Variants in FREM2 observed in about 807,000 individuals in gnomAD.
FREM2 encodes FRAS1 related extracellular matrix 2.
In FREM2, 119 loss-of-function variants were observed where a neutral mutation model predicts 219.9. That is an observed-to-expected ratio of 0.54 (90% CI 0.47 to 0.63). The LOEUF is 0.63. Ranked by LOEUF, FREM2 falls within the 30% of genes least tolerant of loss-of-function variation. The pLI, the probability that FREM2 is intolerant of heterozygous loss-of-function variation, is 0.00. For missense variants in FREM2, 4,030 were observed against 3,993.6 expected, an observed-to-expected ratio of 1.01 and a Z score of -0.25; for synonymous variants, 1,562 against 1,522.8, an observed-to-expected ratio of 1.03 and a Z score of -0.60.
rs1294872876 is a variant in FREM2, at chr13:38,762,090, G to A, written c.5264-2214G>A. Among the ~76,000 whole-genome samples, 8 of 152,294 alleles carry A rather than the reference G, an allele frequency of 5.3e-5. No homozygotes were observed. The East Asian group carries it at 1.5e-3, about 29-fold the overall frequency. On this transcript the variant is annotated intron_variant, in intron 2 of 23. Transcript: ENST00000280481. ...GGCAGGGCAGAGTGAGCTTGCATTTGTTGAATGATACTATTGACCTCAGAG... is the reference window on the plus strand; with the variant it reads ...GGCAGGGCAGAGTGAGCTTGCATTTATTGAATGATACTATTGACCTCAGAG...
At position 38,837,764 on chromosome 13, in the gene FREM2, G is replaced by GTT. The variant is rs1876768016; in HGVS notation, c.6020-8809_6020-8808insTT. ...TTAAGAGACTAGGATTGCAACCCCT[G>GTT]GTTTTTTTTTGTTTTGTTTTGTTTT... On this transcript the variant is annotated intron_variant, in intron 6 of 23. Coordinates refer to ENST00000280481, the MANE Select transcript of FREM2 (RefSeq NM_207361.6). Among the ~76,000 whole-genome samples, 3 of 139,336 alleles carry GTT rather than the reference G, an allele frequency of 2.2e-5. 1 individual carries two copies. Among genetic ancestry groups the GTT allele is most frequent in the African/African-American group, 7.9e-5 (3 of 37,976 alleles). 91.4% of individuals were successfully genotyped at this position (139,336 alleles called of 152,430 possible).
chr13:38,718,345 T>A (rs1454438473), intron 2 of FREM2, among the ~76,000 whole-genome samples: 2 of 152,178 alleles, frequency 1.3e-5, no homozygotes, highest in African/African-American at 2.4e-5. Context: ...GGTGAAAAGG[T>A]GTTTCTGGAC....
chr13:38,850,993 T>C lies in FREM2; in HGVS notation c.6627T>C (p.Tyr2209=). The change falls in exon 10 of 24, where the codon TAT becomes TAC. Residue 2209 remains tyrosine (Y), a synonymous_variant. Transcript: ENST00000280481. ...CILELMDDVL[Y]EEVEELRLVL... is the part of the protein sequence containing the mutation. ...TTGAGCTGATGGACGATGTGCTCTA[T>C]GAGGAGGTAGAGGAGCTCCGCCTGG... The C allele has an allele frequency of 1.2e-6, 2 of 1,613,654 alleles. No homozygotes were observed. Among genetic ancestry groups the C allele is most frequent in the South Asian group, 2.2e-5 (2 of 91,054 alleles).
At chr13:38,724,716 G>C (rs1025693725) in intron 2 of FREM2, among the ~76,000 whole-genome samples, 3 of 152,146 alleles carry the variant, frequency 2.0e-5, no homozygotes, top group African/African-American at 7.2e-5. Context: ...CTGTTTCTTT[G>C]TTTGGCTCAA....
intron 2 of FREM2, among the ~76,000 whole-genome samples, chr13:38,757,583 C>G (rs914675741): frequency 2.0e-5 from 3 of 151,730 alleles, no homozygotes; most frequent in Admixed American, 1.3e-4. Flanking sequence ...CTTTGTCATG[C>G]CACTCCTCTT....
At chr13:38,716,064 A>C (rs939249744) in intron 2 of FREM2, among the ~76,000 whole-genome samples, 2 of 152,160 alleles carry the variant, frequency 1.3e-5, no homozygotes, top group Non-Finnish European at 2.9e-5. Flanking sequence ...TTACTTTAAA[A>C]TAGTTAAAGG....
At chr13:38,754,895 G>GATTATTATTATTATTATTATT (rs1246110589) in intron 2 of FREM2, among the ~76,000 whole-genome samples, 143 of 99,784 alleles carry the variant, frequency 1.4e-3, no homozygotes, top group African/African-American at 2.5e-3. Flanking sequence ...TGATGATGAT[G>GATTATTATTATTATTATTATT]ATGATGATTA....
At chr13:38,825,416 G>A (rs1876241937) in intron 6 of FREM2, among the ~76,000 whole-genome samples, 1 of 150,480 alleles carries the variant, frequency 6.6e-6, no homozygotes. Context: ...TAACCACAAA[G>A]AATAAAGCCT....
At position 38,691,421 on chromosome 13, in the gene FREM2, T is replaced by A. The variant is rs41292757; in HGVS notation, c.4077T>A (p.Gly1359=). ...HGLLQRRKPT[G]AFENITLGMN... is the part of the protein sequence containing the mutation. ...TATTACAGAGACGAAAACCTACTGG[T>A]GCCTTTGAAAATATCACACTGGGCA... Residue 1359 remains glycine, a synonymous_variant, in exon 1 of 24, where the codon GGT becomes GGA. Coordinates refer to ENST00000280481, the MANE Select transcript of FREM2 (RefSeq NM_207361.6). The A allele has an allele frequency of 0.032, 52,351 of 1,614,094 alleles. 988 individuals carry two copies. The highest frequency in any genetic ancestry group is 0.038 in the Non-Finnish European group (44,931 of 1,179,960).
At chr13:38,818,891 C>CAA (rs890126892) in intron 6 of FREM2, among the ~76,000 whole-genome samples, 3 of 145,788 alleles carry the variant, frequency 2.1e-5, no homozygotes, top group Admixed American at 6.8e-5. Context: ...GCCTCCGTCT[C>CAA]AAAAAAAAAA....
intron 2 of FREM2, among the ~76,000 whole-genome samples, chr13:38,757,148 A>G (rs1436922350): frequency 6.6e-6 from 1 of 152,224 alleles, no homozygotes; most frequent in African/African-American, 2.4e-5. Context: ...GTAGATGAAT[A>G]GGAATTTCAG....
intron 9 of FREM2, among the ~76,000 whole-genome samples, chr13:38,850,551 A>G (rs551337910): frequency 1.3e-5 from 2 of 152,358 alleles, no homozygotes; most frequent in African/African-American, 2.4e-5. Flanking sequence ...TTAGTAAGTC[A>G]AAAGTTAATA....
chr13:38,874,355 T>C (rs1226325709), intron 17 of FREM2, 127 bp from the exon 18 acceptor site: 2 of 748,074 alleles, frequency 2.7e-6, no homozygotes, highest in African/African-American at 1.7e-5. Flanking sequence ...TCAGAATTCT[T>C]CTGATAATAC....
intron 4 of FREM2, among the ~76,000 whole-genome samples, chr13:38,775,369 C>T (rs1873829680): frequency 6.6e-6 from 1 of 152,176 alleles, no homozygotes; most frequent in Admixed American, 6.6e-5. Flanking sequence ...GAGAGAGCTT[C>T]AACTTCAGTG....
chr13:38,864,286 G>A lies in FREM2; in HGVS notation c.7663G>A (p.Val2555Met), dbSNP rs200997496. The change falls in exon 16 of 24, where the codon GTG (valine) becomes ATG (methionine). Residue 2555 changes from valine to methionine, a missense_variant. Physicochemically the swap from Val to Met is conservative, Grantham distance 21 (BLOSUM62 1). This residue lies in a region of FREM2 where 928 missense variants were observed against 1,042.9 expected (regional missense o/e 0.89). Coordinates refer to ENST00000280481, the MANE Select transcript of FREM2 (RefSeq NM_207361.6). ...TMPHIDGMLP[V>M]ISTRELSNFE... ...TCGATTTATCATAGGCATGCTCCCC[G>A]TGATCTCCACTAGAGAGCTTTCCAA... 1.6e-5 allele frequency: 26 copies of A among 1,613,284 alleles called. No individual in the cohort carries two copies. Among genetic ancestry groups the A allele is most frequent in the African/African-American group, 5.3e-5 (4 of 74,902 alleles).
In FREM2 at chr13:38,690,529, T is replaced by C; in HGVS notation, c.3185T>C (p.Val1062Ala). ...ACTATATGGGTGACCATCCTGCCTGTTGATAGCCAGGCCCCAGAAATCTTT... is the reference window on the plus strand; with the variant it reads ...ACTATATGGGTGACCATCCTGCCTGCTGATAGCCAGGCCCCAGAAATCTTT... Reference protein sequence around the residue: ...GVTIWVTILPVDSQAPEIFVG... With the variant: ...GVTIWVTILPADSQAPEIFVG... Residue 1062 changes from valine (V) to alanine (A), a missense_variant, in exon 1 of 24, where the codon GTT (valine) becomes GCT (alanine). Transcript: ENST00000280481. 1.2e-6 allele frequency: 2 copies of C among 1,614,104 alleles called. No homozygotes were observed. The highest frequency in any genetic ancestry group is 2.2e-5 in the South Asian group (2 of 91,086).
intron 3 of FREM2, among the ~76,000 whole-genome samples, chr13:38,768,078 G>T (rs538533725): frequency 4.7e-4 from 71 of 152,196 alleles, no homozygotes; most frequent in African/African-American, 1.7e-3. Context: ...AATAGAGCCT[G>T]GCATGGAATA....
chr13:38,687,381 C>G lies in FREM2; in HGVS notation c.37C>G (p.Arg13Gly). ...SAGTPGLSSR[R>G]TGNSTSFQPG... ...CGGGACTCCCGGGTTATCCTCGCGC[C>G]GGACAGGCAACTCCACCAGCTTTCA... The change falls in exon 1 of 24, where the codon CGG becomes GGG. Residue 13 changes from arginine to glycine, a missense_variant. By Grantham distance (125) the Arg-to-Gly change is moderately radical. This residue lies in a region of FREM2 where 3,102 missense variants were observed against 2,950.7 expected (regional missense o/e 1.05). Coordinates refer to ENST00000280481, the MANE Select transcript of FREM2 (RefSeq NM_207361.6). The G allele has an allele frequency of 3.7e-6, 6 of 1,608,878 alleles. No homozygotes were observed. The highest frequency in any genetic ancestry group is 5.1e-6 in the Non-Finnish European group (6 of 1,178,086).
chr13:38,862,253 A>G (rs936875675), intron 15 of FREM2, among the ~76,000 whole-genome samples: 2 of 152,122 alleles, frequency 1.3e-5, no homozygotes, highest in Admixed American at 6.6e-5. Context: ...CGTAGAATCT[A>G]CCTCCCCCAG....
Sources: allele counts gnomAD v4.1 joint callset (sites outside exome capture counted in the v4.1 genomes callset), GRCh38; gene constraint gnomAD v4.1.1; regional missense constraint gnomAD v4.1.1; transcripts MANE v1.5; gene names NCBI Gene and HGNC (gene_info 2026-07-23, HGNC 2026-07-21).